Variants in MAST4 observed in about 807,000 individuals in gnomAD.
MAST4 encodes the protein microtubule-associated serine/threonine-protein kinase 4.
Under a neutral mutation model 162.7 loss-of-function variants are expected in MAST4, and 89 were observed. The ratio of observed to expected loss-of-function variants is 0.55; its 90% CI spans 0.46 to 0.65. MAST4 has a LOEUF of 0.65. Among genes scored for constraint, MAST4 ranks in the 30% least tolerant of loss-of-function variants. MAST4 has a pLI of 0.00. For missense variants in MAST4, 3,153 were observed against 3,374.0 expected, an observed-to-expected ratio of 0.93 and a Z score of 1.62; for synonymous variants, 1,479 against 1,361.1, an observed-to-expected ratio of 1.09 and a Z score of -1.91.
chr5:66,694,488 C>CT (rs928389302), intron 1 of MAST4, among the ~76,000 whole-genome samples: 2 of 151,676 alleles, frequency 1.3e-5, no homozygotes, highest in Admixed American at 6.6e-5. Context: ...TTTTTTCTTT[C>CT]TTTTTTTTCT....
At chr5:67,117,779 T>C (rs75036106) in intron 12 of MAST4, among the ~76,000 whole-genome samples, 7,382 of 152,038 alleles carry the variant, frequency 0.049, 595 homozygotes, top group African/African-American at 0.17. Flanking sequence ...AAAAAGAAAA[T>C]GAACAATAAA....
At chr5:66,937,595 G>A (rs1742894668) in intron 4 of MAST4, among the ~76,000 whole-genome samples, 1 of 151,960 alleles carries the variant, frequency 6.6e-6, no homozygotes, top group Non-Finnish European at 1.5e-5. Flanking sequence ...TTTTAACAAG[G>A]GTAGACATAT....
chr5:67,054,382 G>GT (rs777555812), intron 4 of MAST4, 22 bp from the exon 5 acceptor site: 2 of 1,574,170 alleles, frequency 1.3e-6, no homozygotes, highest in Non-Finnish European at 1.7e-6. Context: ...TTTAAACTTT[G>GT]TTTTTTCTTT....
intron 3 of MAST4, among the ~76,000 whole-genome samples, chr5:66,879,911 C>T (rs1297780657): frequency 6.6e-6 from 1 of 152,188 alleles, no homozygotes. Context: ...TACCTTTTGA[C>T]CCACCAGTTC....
intron 26 of MAST4, among the ~76,000 whole-genome samples, chr5:67,159,891 C>A (rs975314154): frequency 6.6e-6 from 1 of 152,206 alleles, no homozygotes; most frequent in South Asian, 2.1e-4. Flanking sequence ...AGAAAAGGAG[C>A]CTTTTAAAAT....
At chr5:66,797,241 G>A (rs1323467500) in intron 3 of MAST4, among the ~76,000 whole-genome samples, 5 of 152,114 alleles carry the variant, frequency 3.3e-5, no homozygotes, top group Non-Finnish European at 7.4e-5. Context: ...CGGTTTGTTG[G>A]GGGAAAGATT....
chr5:66,776,766 G>T (rs559736733), intron 2 of MAST4, among the ~76,000 whole-genome samples: 2 of 152,208 alleles, frequency 1.3e-5, no homozygotes, highest in South Asian at 4.1e-4. Flanking sequence ...TGTGACGTGG[G>T]GCTACAAAAA....
chr5:66,869,977 T>C (rs1257695980), intron 3 of MAST4, among the ~76,000 whole-genome samples: 1 of 152,180 alleles, frequency 6.6e-6, no homozygotes, highest in East Asian at 1.9e-4. Context: ...TAAAACTCTA[T>C]ACCATTAATG....
At chr5:66,871,550 A>G (rs969709125) in intron 3 of MAST4, among the ~76,000 whole-genome samples, 1 of 152,232 alleles carries the variant, frequency 6.6e-6, no homozygotes, top group African/African-American at 2.4e-5. Context: ...TGCTCATCCC[A>G]CACAGCTCAA....
In MAST4 at chr5:66,909,010, T is replaced by C. The variant is rs1199240699; in HGVS notation, c.674+9028T>C. On this transcript the variant is annotated intron_variant, in intron 4 of 28. Transcript: ENST00000403625. ...TGTATGTTTTCTTAAATAAATAAAA[T>C]ATATTGGGAATTATGCCCTTCTTTC... Among the ~76,000 whole-genome samples the C allele has an allele frequency of 3.3e-5, 5 of 152,198 alleles. No individual in the cohort carries two copies. In the East Asian group the frequency reaches 9.6e-4, roughly 29 times the overall value.
At chr5:66,828,637 G>T in intron 3 of MAST4, 1 of 619,292 alleles carries the variant, frequency 1.6e-6, no homozygotes, top group Non-Finnish European at 2.8e-6. Context: ...CCCACTTGCT[G>T]CTCTCTCCCA....
At chr5:66,908,964 T>G (rs1763561612) in intron 4 of MAST4, among the ~76,000 whole-genome samples, 8 of 152,228 alleles carry the variant, frequency 5.3e-5, no homozygotes, top group Admixed American at 5.2e-4. Flanking sequence ...TTTATGACAG[T>G]ACCTGGCATA....
At chr5:66,883,443 T>G (rs1761831016) in intron 3 of MAST4, among the ~76,000 whole-genome samples, 1 of 147,846 alleles carries the variant, frequency 6.8e-6, no homozygotes, top group Non-Finnish European at 1.5e-5. Flanking sequence ...TTTTTTTTTT[T>G]TTTTAGATGG....
At chr5:66,794,524 C>A (rs989538512) in intron 3 of MAST4, among the ~76,000 whole-genome samples, 2 of 152,148 alleles carry the variant, frequency 1.3e-5, no homozygotes, top group Non-Finnish European at 2.9e-5. Flanking sequence ...ATGGTATTAT[C>A]CAGAATGGAA....
chr5:67,136,709 T>A (rs576840053), intron 19 of MAST4, 45 bp downstream of exon 19: 1 of 1,425,052 alleles, frequency 7.0e-7, no homozygotes, highest in East Asian at 2.5e-5. Flanking sequence ...CAAGAAATAA[T>A]GTCTACATGG....
chr5:66,844,067 T>C (rs1217104578), intron 3 of MAST4, among the ~76,000 whole-genome samples: 2 of 151,922 alleles, frequency 1.3e-5, no homozygotes, highest in Admixed American at 1.3e-4. Flanking sequence ...TCAGACACTT[T>C]CCTTAGGTTG....
rs767315728 is a variant in MAST4 at position 67,142,261 on chromosome 5, A to T, written c.2617+24A>T. 7.4e-6 allele frequency: 12 copies of T among 1,611,032 alleles called. No homozygotes were observed. The East Asian group carries it at 2.5e-4, about 33-fold the overall frequency. On this transcript the variant is annotated intron_variant, in intron 20 of 28. Coordinates refer to ENST00000403625, the MANE Select transcript of MAST4 (RefSeq NM_001164664.2). ...TAGTATGTGCTTTATCTGACATAAA[A>T]CATTGTTTGGCCTTTACTCGATAAA...
At chr5:66,973,056 C>G (rs931121323) in intron 4 of MAST4, among the ~76,000 whole-genome samples, 2 of 152,028 alleles carry the variant, frequency 1.3e-5, no homozygotes. Flanking sequence ...GCTCTTTCTC[C>G]CCTTCCTTCT....
At chr5:66,621,934 A>G (rs1744102492) in intron 1 of MAST4, among the ~76,000 whole-genome samples, 1 of 152,130 alleles carries the variant, frequency 6.6e-6, no homozygotes, top group African/African-American at 2.4e-5. Context: ...CAACTCTGCC[A>G]CTGTAGTGTG....
Sources: gnomAD v4.1 joint callset for allele counts (sites outside exome capture counted in the v4.1 genomes callset) on GRCh38, gnomAD v4.1.1 for gene constraint, MANE v1.5 for transcripts, NCBI Gene and HGNC (gene_info 2026-07-23, HGNC 2026-07-21) for gene names.